The following ITPR1 variants were observed in gnomAD, a reference collection of about 807,000 sequenced individuals.
ITPR1 encodes inositol 1,4,5-trisphosphate-gated calcium channel ITPR1.
A neutral mutation model predicts 318.4 loss-of-function variants in ITPR1; 96 were observed. The ratio of observed to expected loss-of-function variants is 0.30; its 90% CI spans 0.26 to 0.36. The LOEUF is 0.36. ITPR1 is among the 10% of genes least tolerant of loss of function. The probability of loss-of-function intolerance (pLI) is 1.00; values close to 1 mark genes in which losing one functional copy is unlikely to be tolerated. For synonymous variants in ITPR1, 1,312 were observed against 1,289.9 expected (o/e 1.02, Z -0.37); for missense variants, 2,440 against 3,460.2 (o/e 0.71, Z 7.40).
intron 54 of ITPR1, among the ~76,000 whole-genome samples, chr3:4,804,776 A>C (rs1242479754): frequency 6.6e-6 from 1 of 152,180 alleles, no homozygotes; most frequent in Non-Finnish European, 1.5e-5. Flanking sequence ...TGGCAGATTG[A>C]ATGCTTAGCC....
chr3:4,522,685 C>T (rs781134586), intron 4 of ITPR1, among the ~76,000 whole-genome samples: 2 of 152,214 alleles, frequency 1.3e-5, no homozygotes, highest in South Asian at 2.1e-4. Context: ...TGAAATGTTT[C>T]GTCCAACGAT....
intron 61 of ITPR1, among the ~76,000 whole-genome samples, chr3:4,842,494 A>G (rs1454498096): frequency 6.6e-6 from 1 of 152,136 alleles, no homozygotes; most frequent in Non-Finnish European, 1.5e-5. Context: ...CAGGCCCCCA[A>G]GTAGCTAGGA....
intron 4 of ITPR1, among the ~76,000 whole-genome samples, chr3:4,554,206 G>A (rs2085881883): frequency 6.6e-6 from 1 of 152,176 alleles, no homozygotes; most frequent in Non-Finnish European, 1.5e-5. Context: ...GTCACTGAGT[G>A]GCACAGTTAG....
intron 43 of ITPR1, among the ~76,000 whole-genome samples, chr3:4,734,628 A>G (rs929983481): frequency 5.9e-5 from 9 of 152,242 alleles, no homozygotes; most frequent in African/African-American, 1.9e-4. Context: ...AAGTATATTC[A>G]TCTCCCCCAT....
chr3:4,564,260 G>A (rs1017187241), intron 4 of ITPR1, among the ~76,000 whole-genome samples: 1 of 152,138 alleles, frequency 6.6e-6, no homozygotes, highest in African/African-American at 2.4e-5. Flanking sequence ...TCCTTCTGAA[G>A]GCATAGGAAG....
At chr3:4,829,772 T>G (rs73098074) in intron 60 of ITPR1, among the ~76,000 whole-genome samples, 6,259 of 152,112 alleles carry the variant, frequency 0.041, 428 homozygotes, top group African/African-American at 0.14. Context: ...TTTCACCAAT[T>G]CAAATGACAC....
At chr3:4,772,981 A>G (rs955991985) in intron 46 of ITPR1, among the ~76,000 whole-genome samples, 1 of 152,174 alleles carries the variant, frequency 6.6e-6, no homozygotes, top group African/African-American at 2.4e-5. Flanking sequence ...CATTCATTTC[A>G]TTTAGTTCAG....
At chr3:4,787,823 G>A (rs1298927446) in intron 51 of ITPR1, 124 bp from the exon 52 acceptor site, 3 of 629,606 alleles carry the variant, frequency 4.8e-6, no homozygotes, top group South Asian at 2.3e-5. Flanking sequence ...GCCCAGTTTG[G>A]GGTTATAAAA....
intron 42 of ITPR1, among the ~76,000 whole-genome samples, chr3:4,730,370 AAT>A (rs767984481): frequency 0.036 from 3,269 of 91,496 alleles, 63 homozygotes; most frequent in Non-Finnish European, 0.039. Flanking sequence ...TGTTGGGTGG[AAT>A]GTGTGTGTGT....
intron 39 of ITPR1, among the ~76,000 whole-genome samples, chr3:4,713,787 C>G (rs775510975): frequency 6.6e-6 from 1 of 152,192 alleles, no homozygotes; most frequent in African/African-American, 2.4e-5. Context: ...ATCAGTCACA[C>G]CTAAGCAGAG....
chr3:4,673,651 C>T (rs1165721709), intron 21 of ITPR1, among the ~76,000 whole-genome samples: 6 of 152,138 alleles, frequency 3.9e-5, no homozygotes, highest in African/African-American at 9.7e-5. Flanking sequence ...GGCGCAATCT[C>T]GGCTCACTAC....
At position 4,798,305 on chromosome 3, in the gene ITPR1, A is replaced by C. The variant is rs141476596; in HGVS notation, c.6932-2120A>C. Among the ~76,000 whole-genome samples the C allele has an allele frequency of 1.9e-3, 292 of 152,392 alleles. 2 individuals are homozygous for C. The highest frequency in any genetic ancestry group is 6.8e-3 in the African/African-American group (284 of 41,600). Reference sequence around the variant, plus strand: ...CAGTGGGCAAAGCATTTGATCAGACACTTCACAGAAGAAGATGTATGAATG... The same window carrying C: ...CAGTGGGCAAAGCATTTGATCAGACCCTTCACAGAAGAAGATGTATGAATG... On this transcript the variant is annotated intron_variant, in intron 53 of 61. Coordinates refer to ENST00000649015, the MANE Select transcript of ITPR1 (RefSeq NM_001378452.1).
At chr3:4,715,409 A>G (rs957948239) in intron 39 of ITPR1, among the ~76,000 whole-genome samples, 13 of 152,362 alleles carry the variant, frequency 8.5e-5, no homozygotes, top group African/African-American at 2.6e-4. Context: ...ACTCTCCAAT[A>G]GACGCCAAGT....
At chr3:4,820,932 C>A (rs779210863) in intron 60 of ITPR1, among the ~76,000 whole-genome samples, 2 of 152,174 alleles carry the variant, frequency 1.3e-5, no homozygotes, top group Admixed American at 6.5e-5. Flanking sequence ...CTCAGAGCTG[C>A]GGTGCAGAGG....
chr3:4,824,397 C>T (rs777919448), intron 60 of ITPR1, among the ~76,000 whole-genome samples: 4 of 152,162 alleles, frequency 2.6e-5, no homozygotes, highest in Non-Finnish European at 5.9e-5. Context: ...TTTGCAGGGT[C>T]GCGGCGCTGG....
At chr3:4,781,456 C>A (rs138397069) in intron 49 of ITPR1, among the ~76,000 whole-genome samples, 1 of 152,168 alleles carries the variant, frequency 6.6e-6, no homozygotes, top group Admixed American at 6.5e-5. Flanking sequence ...ATGAGCAGAC[C>A]CAGTCCCCGC....
rs2049204101 is a variant in ITPR1, at chr3:4,815,081, A to G, written c.7730A>G (p.Tyr2577Cys). The G allele has an allele frequency of 6.2e-7, 1 of 1,613,408 alleles. No individual in the cohort carries two copies. The highest frequency in any genetic ancestry group is 1.7e-5 in the Admixed American group (1 of 59,968). The change falls in exon 59 of 62, where the codon TAT becomes TGT. Residue 2577 changes from tyrosine (Y) to cysteine (C), a missense_variant. Transcript: ENST00000649015. ...CCCCTGTTTGCTGCTAGAGTTATTT[A>G]TGACCTCTTGTTCTTCTTCATGGTC... Reference protein sequence around the residue: ...EEPLFAARVIYDLLFFFMVII... With the variant: ...EEPLFAARVICDLLFFFMVII...
At chr3:4,839,948 A>T (rs1173022692) in intron 61 of ITPR1, among the ~76,000 whole-genome samples, 1 of 151,178 alleles carries the variant, frequency 6.6e-6, no homozygotes. Flanking sequence ...ATCCAGTAGT[A>T]CATTCTCAAG....
At chr3:4,557,728 A>G (rs1348773514) in intron 4 of ITPR1, among the ~76,000 whole-genome samples, 2 of 152,128 alleles carry the variant, frequency 1.3e-5, no homozygotes, top group African/African-American at 2.4e-5. Flanking sequence ...CAGATTTTAT[A>G]CTTTTTTCCT....
Sources: gnomAD v4.1 joint callset for allele counts (sites outside exome capture counted in the v4.1 genomes callset) on GRCh38, gnomAD v4.1.1 for gene constraint, MANE v1.5 for transcripts, NCBI Gene and HGNC (gene_info 2026-07-23, HGNC 2026-07-21) for gene names.